THRB: variants seen among roughly 807,000 people sequenced by gnomAD.
THRB encodes thyroid hormone receptor beta, also known as nuclear receptor subfamily 1 group A member 2.
Under a neutral mutation model 47.8 loss-of-function variants are expected in THRB, and 12 were observed. The observed-to-expected ratio is 0.25, with a 90% CI of 0.16 to 0.41. The LOEUF (loss-of-function observed/expected upper bound fraction) is 0.41, where lower values mean the gene tolerates loss of function less well. Among genes scored for constraint, THRB ranks in the 10% least tolerant of loss-of-function variants. The pLI is 1.00. For missense variants in THRB, 348 were observed against 589.2 expected (o/e 0.59, Z 4.24); for synonymous variants, 218 against 212.2 (o/e 1.03, Z -0.24).
intron 1 of THRB, among the ~76,000 whole-genome samples, chr3:24,445,814 G>A (rs4241527): frequency 0.84 from 127,794 of 152,170 alleles, 54,136 homozygotes; most frequent in Non-Finnish European, 0.89. Context: ...ATTCAAGGCC[G>A]TATCATTCAT....
chr3:24,345,568 G>C (rs2062960783), intron 1 of THRB, among the ~76,000 whole-genome samples: 1 of 152,122 alleles, frequency 6.6e-6, no homozygotes. Context: ...AATTTATAGA[G>C]ACGTGATGAG....
chr3:24,156,262 TG>T (rs2037824118), intron 5 of THRB, among the ~76,000 whole-genome samples: 1 of 152,226 alleles, frequency 6.6e-6, no homozygotes, highest in Non-Finnish European at 1.5e-5. Flanking sequence ...ACAGATTCAA[TG>T]CTTTCTTCCC....
chr3:24,437,376 G>A (rs2125355251), intron 1 of THRB, among the ~76,000 whole-genome samples: 1 of 152,094 alleles, frequency 6.6e-6, no homozygotes, highest in Middle Eastern at 3.4e-3. Flanking sequence ...GTTCCCAGAG[G>A]CTGAGAAGGG....
intron 1 of THRB, among the ~76,000 whole-genome samples, chr3:24,341,856 C>T (rs13318276): frequency 0.15 from 23,537 of 152,088 alleles, 2,109 homozygotes; most frequent in East Asian, 0.3. Flanking sequence ...AGTTGACTCA[C>T]ATCAGTTGTC....
intron 1 of THRB, among the ~76,000 whole-genome samples, chr3:24,384,716 A>G (rs1384166226): frequency 1.3e-5 from 2 of 152,166 alleles, no homozygotes; most frequent in Non-Finnish European, 2.9e-5. Context: ...AAAAGTCAAG[A>G]TTACTTCTTA....
At chr3:24,365,381 G>A (rs1370563037) in intron 1 of THRB, among the ~76,000 whole-genome samples, 2 of 152,132 alleles carry the variant, frequency 1.3e-5, no homozygotes, top group Non-Finnish European at 2.9e-5. Flanking sequence ...AGCCAACTTC[G>A]TGTCACTGGA....
chr3:24,296,786 G>A (rs1342482450), intron 3 of THRB, among the ~76,000 whole-genome samples: 1 of 152,202 alleles, frequency 6.6e-6, no homozygotes, highest in Admixed American at 6.5e-5. Flanking sequence ...CTCCTTAAGG[G>A]ATGTCAGTTA....
intron 9 of THRB, among the ~76,000 whole-genome samples, chr3:24,130,013 G>C (rs532073269): frequency 1.3e-5 from 2 of 152,344 alleles, no homozygotes; most frequent in African/African-American, 4.8e-5. Flanking sequence ...GAGATCTCCA[G>C]CCCACTCCAT....
At chr3:24,397,465 A>G (rs982884694) in intron 1 of THRB, among the ~76,000 whole-genome samples, 1 of 152,052 alleles carries the variant, frequency 6.6e-6, no homozygotes, top group Non-Finnish European at 1.5e-5. Flanking sequence ...TTGCTCTTTC[A>G]TCCTTTAGCA....
intron 4 of THRB, among the ~76,000 whole-genome samples, chr3:24,222,140 C>A (rs990074700): frequency 6.6e-6 from 1 of 152,170 alleles, no homozygotes; most frequent in African/African-American, 2.4e-5. Context: ...CTTATTATGG[C>A]AGAAACTAGA....
At chr3:24,154,373 G>A (rs1406106907) in intron 5 of THRB, among the ~76,000 whole-genome samples, 1 of 152,170 alleles carries the variant, frequency 6.6e-6, no homozygotes. Flanking sequence ...GCTTAGCATT[G>A]TTCTAGGTGC....
chr3:24,494,469 G>T (rs903692299), intron 1 of THRB, 183 bp downstream of exon 1: 1 of 152,198 alleles, frequency 6.6e-6, no homozygotes, highest in Admixed American at 6.5e-5. Context: ...CAGATCCGGG[G>T]CGCAGAAGCC....
At chr3:24,358,769 T>G (rs1334549517) in intron 1 of THRB, among the ~76,000 whole-genome samples, 1 of 152,118 alleles carries the variant, frequency 6.6e-6, no homozygotes, top group Non-Finnish European at 1.5e-5. Flanking sequence ...TGGTTATTTT[T>G]CCATAAGAAC....
intron 1 of THRB, among the ~76,000 whole-genome samples, chr3:24,398,086 T>C (rs1334002470): frequency 1.3e-5 from 2 of 152,142 alleles, no homozygotes; most frequent in East Asian, 3.9e-4. Context: ...GACATAATGA[T>C]GTTGAATAGA....
intron 1 of THRB, among the ~76,000 whole-genome samples, chr3:24,399,569 C>G (rs1202153053): frequency 6.6e-6 from 1 of 152,072 alleles, no homozygotes; most frequent in African/African-American, 2.4e-5. Flanking sequence ...GTCCTTGAAG[C>G]TGGCCCTGTC....
At chr3:24,408,437 G>A (rs1163003314) in intron 1 of THRB, among the ~76,000 whole-genome samples, 2 of 151,710 alleles carry the variant, frequency 1.3e-5, no homozygotes, top group African/African-American at 2.4e-5. Context: ...ACCAAATTTC[G>A]ACATATGTTT....
intron 5 of THRB, among the ~76,000 whole-genome samples, chr3:24,185,129 T>C (rs1287285055): frequency 6.6e-6 from 1 of 152,226 alleles, no homozygotes; most frequent in Non-Finnish European, 1.5e-5. Context: ...TAAGATATTG[T>C]TTAAAAAATT....
rs73823208 is a variant in THRB, at chr3:24,156,928, C to G, written c.284-4438G>C. On this transcript the variant is annotated intron_variant, in intron 5 of 10. Transcript: ENST00000646209. The stretch of plus-strand genomic sequence containing the variant: ...TTTCCCCAACATACGAATCCTGATT[C>G]CTTTTATATTTAATTCTTGGCATTA... Among the ~76,000 whole-genome samples the G allele has an allele frequency of 7.6e-3, 1,160 of 152,254 alleles. 14 individuals are homozygous for G. The highest frequency in any genetic ancestry group is 0.026 in the African/African-American group (1,096 of 41,540).
At chr3:24,289,642 A>G (rs2055716923) in intron 3 of THRB, among the ~76,000 whole-genome samples, 1 of 152,198 alleles carries the variant, frequency 6.6e-6, no homozygotes, top group Non-Finnish European at 1.5e-5. Context: ...TATAGCAGCT[A>G]CTCAAAGAAA....
Sources: allele counts gnomAD v4.1 joint callset (sites outside exome capture counted in the v4.1 genomes callset), GRCh38; gene constraint gnomAD v4.1.1; transcripts MANE v1.5; gene names NCBI Gene and HGNC (gene_info 2026-07-23, HGNC 2026-07-21).